AKAP13: variants seen among roughly 807,000 people sequenced by gnomAD.
AKAP13 encodes the protein A-kinase anchoring protein 13, also known as A-kinase anchor protein 13.
AKAP13 carries 80 observed loss-of-function variants against 264.5 expected under a neutral mutation model. That is an observed-to-expected ratio of 0.30 (90% CI 0.25 to 0.36). The LOEUF (loss-of-function observed/expected upper bound fraction) is 0.36, where lower values mean the gene tolerates loss of function less well. Among genes scored for constraint, AKAP13 ranks in the 10% least tolerant of loss-of-function variants. The pLI is 1.00. For missense variants in AKAP13, 3,712 were observed against 3,435.2 expected (o/e 1.08, Z -2.01); for synonymous variants, 1,380 against 1,250.2 (o/e 1.10, Z -2.19).
chr15:85,495,300 G>A lies in AKAP13; in HGVS notation c.33+9547G>A, dbSNP rs564484325. Among the ~76,000 whole-genome samples the A allele has an allele frequency of 7.9e-5, 12 of 152,192 alleles. No individual in the cohort carries two copies. The South Asian group carries it at 2.5e-3, about 32-fold the overall frequency. On this transcript the variant is annotated intron_variant, in intron 2 of 36. Coordinates refer to ENST00000394518, the MANE Select transcript of AKAP13 (RefSeq NM_007200.5). ...CTTTACTGGTTTCCAACATGTTTCG[G>A]TGGGCATTGGACCCTTGTGGTTAAT...
Position 85,655,783 on chromosome 15 carries a change from C to T in AKAP13, c.4741C>T (p.Arg1581Trp), listed in dbSNP as rs751231437. ...AGCCAGCGATGCAGAAATGAACCAC[C>T]GGAGGTGAGATGGGAGGCGGTTTGT... ...NAASDAEMNH[R>W]SSMRVLGDVV... Residue 1581 changes from arginine to tryptophan, a missense_variant, in exon 11 of 37, where the codon CGG (arginine) becomes TGG (tryptophan). Arg to Trp is a moderately radical substitution (Grantham distance 101, BLOSUM62 -3). Coordinates refer to ENST00000394518, the MANE Select transcript of AKAP13 (RefSeq NM_007200.5). 15 of 1,603,070 alleles carry T rather than the reference C, an allele frequency of 9.4e-6. No homozygotes were observed. The highest frequency in any genetic ancestry group is 1.7e-4 in the Middle Eastern group (1 of 5,876).
In AKAP13 at chr15:85,499,727, C is replaced by T. The variant is rs573078344; in HGVS notation, c.33+13974C>T. The stretch of plus-strand genomic sequence containing the variant: ...AGGATTCATTTCCTGCCACTTGTCT[C>T]TGTGGAGCCCCTCCTGAGCTTTCAT... On this transcript the variant is annotated intron_variant, in intron 2 of 36. Transcript: ENST00000394518. 1.1e-3 allele frequency among the ~76,000 whole-genome samples: 164 copies of T among 152,142 alleles called. 1 individual carries two copies. The highest frequency in any genetic ancestry group is 3.7e-3 in the African/African-American group (155 of 41,508).
At chr15:85,549,148 A>T (rs2077862727) in intron 5 of AKAP13, among the ~76,000 whole-genome samples, 1 of 152,056 alleles carries the variant, frequency 6.6e-6, no homozygotes, top group African/African-American at 2.4e-5. Flanking sequence ...TTGATGTAGG[A>T]CTTGATGTAG....
rs372885766 is a variant in AKAP13, at chr15:85,386,106, C to T, written c.-12+5308C>T. Reference sequence around the variant, plus strand: ...TCCCAAAGTGCTGGGATTACAGGCGCGAGCCACTGTGTCTGGCCTTCTTGT... The same window carrying T: ...TCCCAAAGTGCTGGGATTACAGGCGTGAGCCACTGTGTCTGGCCTTCTTGT... On this transcript the variant is annotated intron_variant, in intron 1 of 36. Transcript: ENST00000394518. 2.5e-3 allele frequency among the ~76,000 whole-genome samples: 374 copies of T among 151,372 alleles called. 1 individual carries two copies. Among genetic ancestry groups the T allele is most frequent in the Non-Finnish European group, 4.9e-3 (333 of 67,554 alleles).
chr15:85,384,240 G>A (rs2070436681), intron 1 of AKAP13, among the ~76,000 whole-genome samples: 1 of 152,192 alleles, frequency 6.6e-6, no homozygotes, highest in Admixed American at 6.5e-5. Context: ...GACAAAGCTA[G>A]GCGAAGAAAG....
chr15:85,513,902 T>C lies in AKAP13; in HGVS notation c.34-7526T>C, dbSNP rs771021573. Among the ~76,000 whole-genome samples the C allele has an allele frequency of 2.2e-5, 3 of 138,734 alleles. 1 individual carries two copies. The highest frequency in any genetic ancestry group is 4.6e-5 in the Non-Finnish European group (3 of 64,760). 91.0% of individuals were successfully genotyped at this position (138,734 alleles called of 152,430 possible). A position where few individuals can be genotyped will look rare whatever the true frequency, so the allele number is the denominator to read the frequency against. On this transcript the variant is annotated intron_variant, in intron 2 of 36. Transcript: ENST00000394518. ...TGGTCAGAGCACTGCATAGGTAACCTTGTGTCTTTCTCAGTGTGTGACTCT... is the reference window on the plus strand; with the variant it reads ...TGGTCAGAGCACTGCATAGGTAACCCTGTGTCTTTCTCAGTGTGTGACTCT...
chr15:85,698,351 G>A (rs1044751230), intron 17 of AKAP13, among the ~76,000 whole-genome samples: 1 of 151,226 alleles, frequency 6.6e-6, no homozygotes, highest in African/African-American at 2.4e-5. Context: ...TGTAATCCCA[G>A]CTACTTGGGA....
chr15:85,514,227 G>T (rs1428296576), intron 2 of AKAP13, among the ~76,000 whole-genome samples: 1 of 137,584 alleles, frequency 7.3e-6, no homozygotes, highest in African/African-American at 2.9e-5. Context: ...CCGTCATTCT[G>T]TGATACTCAT....
intron 26 of AKAP13, chr15:85,726,093 T>G (rs1408099986): frequency 1.4e-5 from 3 of 210,440 alleles, no homozygotes; most frequent in African/African-American, 6.9e-5. Flanking sequence ...CTTTTCAGCT[T>G]TATTCTTAAA....
chr15:85,721,895 G>A (rs761787717), intron 23 of AKAP13, 96 bp from the exon 24 acceptor site: 84 of 1,544,018 alleles, frequency 5.4e-5, no homozygotes, highest in African/African-American at 1.1e-4. Context: ...ATGAGGAAGC[G>A]CTCTTGACTT....
chr15:85,526,985 C>T (rs544952607), intron 3 of AKAP13, among the ~76,000 whole-genome samples: 93 of 147,662 alleles, frequency 6.3e-4, no homozygotes, highest in African/African-American at 1.9e-3. Flanking sequence ...GAGGGTGTCT[C>T]GCTCTGTCGC....
At chr15:85,633,763 C>T (rs920948389) in intron 8 of AKAP13, among the ~76,000 whole-genome samples, 7 of 151,650 alleles carry the variant, frequency 4.6e-5, no homozygotes, top group Non-Finnish European at 8.8e-5. Flanking sequence ...CCAGGATGGT[C>T]TCGATCTCCT....
intron 12 of AKAP13, chr15:85,662,286 G>A (rs568344418): frequency 4.5e-5 from 52 of 1,151,816 alleles, no homozygotes; most frequent in Middle Eastern, 3.9e-4. Flanking sequence ...GCATAAATCC[G>A]TCTGTCTCTA....
chr15:85,420,911 G>A (rs1195534233), intron 1 of AKAP13, among the ~76,000 whole-genome samples: 2 of 152,100 alleles, frequency 1.3e-5, no homozygotes, highest in Non-Finnish European at 2.9e-5. Context: ...TGGCAAGACC[G>A]TGTCTCTCTA....
At chr15:85,433,068 A>G (rs2073095727) in intron 1 of AKAP13, among the ~76,000 whole-genome samples, 1 of 141,038 alleles carries the variant, frequency 7.1e-6, no homozygotes, top group South Asian at 2.2e-4. Context: ...ATCATATACC[A>G]TTATTTTCTC....
intron 2 of AKAP13, among the ~76,000 whole-genome samples, chr15:85,504,160 A>G (rs2151098034): frequency 6.6e-6 from 1 of 152,312 alleles, no homozygotes; most frequent in South Asian, 2.1e-4. Flanking sequence ...AGCTAGGTGA[A>G]TAACTGTAAG....
At chr15:85,646,081 C>T in intron 10 of AKAP13, 127 bp downstream of exon 10, 1 of 1,219,636 alleles carries the variant, frequency 8.2e-7, no homozygotes, top group Non-Finnish European at 1.1e-6. Context: ...GTAACTCCTG[C>T]TAGTAAGTTG....
intron 1 of AKAP13, among the ~76,000 whole-genome samples, chr15:85,381,167 C>A (rs2070222614): frequency 1.3e-5 from 2 of 152,180 alleles, no homozygotes; most frequent in South Asian, 2.1e-4. Context: ...GCCCCGGGTC[C>A]CCGGGTCGGC....
chr15:85,743,757 G>A lies in AKAP13; in HGVS notation c.8324G>A (p.Gly2775Glu). Residue 2775 changes from glycine to glutamate, a missense_variant, in exon 36 of 37, where the codon GGG (glycine) becomes GAG (glutamate). Physicochemically the swap from Gly to Glu is moderately conservative, Grantham distance 98. Around this residue, in one of 3 missense-constraint regions of AKAP13, gnomAD observed 611 missense variants for 539.3 expected, o/e 1.13. Coordinates refer to ENST00000394518, the MANE Select transcript of AKAP13 (RefSeq NM_007200.5). Reference sequence around the variant, plus strand: ...ACCTCTGCCTCTACCCGCCTGTTTGGGTTAACAAAGCCAAAGGAAAAGAAG... The same window carrying A: ...ACCTCTGCCTCTACCCGCCTGTTTGAGTTAACAAAGCCAAAGGAAAAGAAG... ...ASTSASTRLF[G>E]LTKPKEKKEK... 3 of 1,613,902 alleles carry A rather than the reference G, an allele frequency of 1.9e-6. No individual in the cohort carries two copies. Among genetic ancestry groups the A allele is most frequent in the Non-Finnish European group, 2.5e-6 (3 of 1,179,984 alleles).
Sources: gnomAD v4.1 joint callset for allele counts (sites outside exome capture counted in the v4.1 genomes callset) on GRCh38, gnomAD v4.1.1 for gene constraint, gnomAD v4.1.1 regional missense constraint, MANE v1.5 for transcripts, NCBI Gene and HGNC (gene_info 2026-07-23, HGNC 2026-07-21) for gene names.